The following PTPRM variants were observed in gnomAD, a reference collection of about 807,000 sequenced individuals.
The protein encoded by PTPRM is protein tyrosine phosphatase receptor type M.
PTPRM carries 47 observed loss-of-function variants against 186.7 expected under a neutral mutation model. The observed-to-expected ratio is 0.25, with a 90% CI of 0.20 to 0.32. The LOEUF (loss-of-function observed/expected upper bound fraction) is 0.32. Ranked by LOEUF, PTPRM falls within the 10% of genes least tolerant of loss-of-function variation. PTPRM has a pLI of 1.00. For synonymous variants in PTPRM, 668 were observed against 674.9 expected, an observed-to-expected ratio of 0.99 and a Z score of 0.16; for missense variants, 1,494 against 1,865.0, an observed-to-expected ratio of 0.80 and a Z score of 3.66.
At chr18:7,769,673 C>T (rs995095378) in intron 1 of PTPRM, among the ~76,000 whole-genome samples, 7 of 152,032 alleles carry the variant, frequency 4.6e-5, no homozygotes, top group African/African-American at 1.7e-4. Flanking sequence ...ACAGTTTTAT[C>T]GATTTAATTT....
chr18:7,684,518 GC>G (rs2039553598), intron 1 of PTPRM, among the ~76,000 whole-genome samples: 1 of 152,062 alleles, frequency 6.6e-6, no homozygotes, highest in South Asian at 2.1e-4. Flanking sequence ...CTCTCCCCGA[GC>G]CCTGGCAACC....
In PTPRM at chr18:8,207,536, T is replaced by G. The variant is rs2093947835; in HGVS notation, c.2301-36522T>G. Among the ~76,000 whole-genome samples the G allele has an allele frequency of 2.6e-5, 4 of 152,300 alleles. No individual in the cohort carries two copies. In the South Asian group the frequency reaches 8.3e-4, roughly 32 times the overall value. On this transcript the variant is annotated intron_variant, in intron 14 of 32. Transcript: ENST00000580170. The stretch of plus-strand genomic sequence containing the variant: ...AATCCTGTGTTTTCAGGAAAAGAAT[T>G]CATGACATAGAGAAATGATGAAATA...
chr18:8,291,975 A>G (rs1213343420), intron 19 of PTPRM, among the ~76,000 whole-genome samples: 1 of 152,180 alleles, frequency 6.6e-6, no homozygotes, highest in Admixed American at 6.5e-5. Flanking sequence ...CATCTGTGGC[A>G]GTCCCGGCTG....
rs368861783 is a variant in PTPRM at position 7,728,236 on chromosome 18, A to G, written c.74-45913A>G. On this transcript the variant is annotated intron_variant, in intron 1 of 32. Coordinates refer to ENST00000580170, the MANE Select transcript of PTPRM (RefSeq NM_001105244.2). ...ATAATGATTTAAAATCCAAAATAGC[A>G]GTGATGCAGGATTTTGACTCCTTAG... Among the ~76,000 whole-genome samples the G allele has an allele frequency of 6.6e-5, 10 of 152,348 alleles. No homozygotes were observed. In the East Asian group the frequency reaches 1.7e-3, roughly 26 times the overall value.
At chr18:7,990,008 A>C (rs2083179379) in intron 7 of PTPRM, among the ~76,000 whole-genome samples, 1 of 152,172 alleles carries the variant, frequency 6.6e-6, no homozygotes, top group African/African-American at 2.4e-5. Flanking sequence ...GGTTCAAGTG[A>C]GTCTCATGCC....
chr18:8,288,519 A>G (rs547215826), intron 19 of PTPRM, among the ~76,000 whole-genome samples: 1 of 152,216 alleles, frequency 6.6e-6, no homozygotes, highest in Non-Finnish European at 1.5e-5. Flanking sequence ...CACCCCAATT[A>G]TATCAAAATC....
At chr18:8,079,782 G>C (rs1036360643) in intron 9 of PTPRM, among the ~76,000 whole-genome samples, 4 of 152,010 alleles carry the variant, frequency 2.6e-5, no homozygotes, top group African/African-American at 9.6e-5. Context: ...TGACAGATTT[G>C]GTTATATAAA....
intron 7 of PTPRM, among the ~76,000 whole-genome samples, chr18:7,980,375 A>G (rs969423398): frequency 2.6e-5 from 4 of 151,740 alleles, no homozygotes; most frequent in Non-Finnish European, 5.9e-5. Flanking sequence ...CTACAGCCAG[A>G]TATCTTTTTT....
intron 1 of PTPRM, among the ~76,000 whole-genome samples, chr18:7,677,850 C>G (rs950830100): frequency 1.2e-4 from 18 of 152,132 alleles, no homozygotes; most frequent in African/African-American, 4.3e-4. Flanking sequence ...GCCTATGTCC[C>G]CTACCCTGCC....
intron 13 of PTPRM, among the ~76,000 whole-genome samples, chr18:8,119,793 A>T (rs142016826): frequency 6.6e-6 from 1 of 152,166 alleles, no homozygotes; most frequent in Non-Finnish European, 1.5e-5. Context: ...TGAGATGACC[A>T]TTTAGAAGTC....
chr18:8,336,445 A>C (rs1458662148), intron 22 of PTPRM, among the ~76,000 whole-genome samples: 2 of 152,000 alleles, frequency 1.3e-5, no homozygotes, highest in Non-Finnish European at 2.9e-5. Flanking sequence ...CAAGCTACTC[A>C]GGAGGCTGAG....
chr18:7,721,790 T>A (rs1041938925), intron 1 of PTPRM, among the ~76,000 whole-genome samples: 1 of 152,200 alleles, frequency 6.6e-6, no homozygotes, highest in African/African-American at 2.4e-5. Flanking sequence ...CTCTCTATTC[T>A]GTTTCATTAC....
chr18:7,580,797 A>T (rs546432918), intron 1 of PTPRM, among the ~76,000 whole-genome samples: 2 of 152,346 alleles, frequency 1.3e-5, no homozygotes, highest in South Asian at 2.1e-4. Flanking sequence ...CCCCATACAT[A>T]CACAGAGTAG....
chr18:7,977,333 C>G (rs2055020999), intron 7 of PTPRM, among the ~76,000 whole-genome samples: 1 of 152,128 alleles, frequency 6.6e-6, no homozygotes. Flanking sequence ...AGGTGATCTG[C>G]CTTCCTCGGC....
At chr18:8,220,760 T>TCCATTGAATTACCTTTAATTCAATTA (rs1288932403) in intron 14 of PTPRM, among the ~76,000 whole-genome samples, 8 of 152,356 alleles carry the variant, frequency 5.3e-5, no homozygotes, top group African/African-American at 1.7e-4. Context: ...TCTTTGGTCA[T>TCCATTGAATTACCTTTAATTCAATTA]CCATTGAATT....
chr18:8,026,112 G>T (rs1176819116), intron 7 of PTPRM, among the ~76,000 whole-genome samples: 1 of 152,184 alleles, frequency 6.6e-6, no homozygotes, highest in African/African-American at 2.4e-5. Flanking sequence ...AAAATGCAAG[G>T]CACCTTTAGA....
At chr18:7,787,326 G>A (rs2043139157) in intron 2 of PTPRM, among the ~76,000 whole-genome samples, 1 of 152,238 alleles carries the variant, frequency 6.6e-6, no homozygotes, top group Non-Finnish European at 1.5e-5. Flanking sequence ...GAGATGAACT[G>A]TCATAAGAGA....
intron 1 of PTPRM, among the ~76,000 whole-genome samples, chr18:7,588,158 A>G (rs983296141): frequency 6.6e-6 from 1 of 152,072 alleles, no homozygotes; most frequent in Non-Finnish European, 1.5e-5. Flanking sequence ...AAAACATGCT[A>G]TTTTTCTGGT....
intron 3 of PTPRM, among the ~76,000 whole-genome samples, chr18:7,898,856 T>C (rs1010824205): frequency 6.6e-6 from 1 of 152,206 alleles, no homozygotes; most frequent in Non-Finnish European, 1.5e-5. Context: ...TCTGTAAAAT[T>C]ACAGAGAACA....
Sources: gnomAD v4.1 joint callset for allele counts (sites outside exome capture counted in the v4.1 genomes callset) on GRCh38, gnomAD v4.1.1 for gene constraint, MANE v1.5 for transcripts, NCBI Gene and HGNC (gene_info 2026-07-23, HGNC 2026-07-21) for gene names.